ZBTB38: variants seen among roughly 807,000 people sequenced by gnomAD.
ZBTB38 encodes the protein zinc finger and BTB domain-containing protein 38.
Under a neutral mutation model 76.8 loss-of-function variants are expected in ZBTB38, and 20 were observed. That is an observed-to-expected ratio of 0.26 (90% CI 0.18 to 0.38). The LOEUF is 0.38. ZBTB38 is among the 10% of genes least tolerant of loss of function. The pLI, the probability that ZBTB38 is intolerant of heterozygous loss-of-function variation, is 1.00. For synonymous variants in ZBTB38, 504 were observed against 544.2 expected (o/e 0.93, Z 1.03); for missense variants, 1,082 against 1,482.3 (o/e 0.73, Z 4.43).
chr3:141,378,369 C>CAT (rs1945699718), intron 2 of ZBTB38, among the ~76,000 whole-genome samples: 2 of 152,062 alleles, frequency 1.3e-5, no homozygotes, highest in Non-Finnish European at 2.9e-5. Context: ...GGTACACACA[C>CAT]ACACACACAG....
intron 4 of ZBTB38, among the ~76,000 whole-genome samples, chr3:141,399,987 C>CTTTTTTTTTTTTTTTT (rs557587979): frequency 1.2e-5 from 1 of 80,464 alleles, no homozygotes; most frequent in Non-Finnish European, 2.4e-5. Context: ...GAAAGTCTTG[C>CTTTTTTTTTTTTTTTT]TTTTTTTTTT....
chr3:141,430,861 C>T (rs2077336179), intron 5 of ZBTB38, among the ~76,000 whole-genome samples: 1 of 152,176 alleles, frequency 6.6e-6, no homozygotes, highest in African/African-American at 2.4e-5. Context: ...ACCTTCCATT[C>T]AATCAGCCAG....
At position 141,445,268 on chromosome 3, in the gene ZBTB38, C is replaced by T. The variant is rs772563785; in HGVS notation, c.2880C>T (p.Cys960=). 42 of 1,614,046 alleles carry T rather than the reference C, an allele frequency of 2.6e-5. No homozygotes were observed. The highest frequency in any genetic ancestry group is 9.3e-5 in the African/African-American group (7 of 74,914). The change falls in exon 6 of 6, where the codon TGC becomes TGT. Residue 960 remains cysteine (C), a synonymous_variant. Coordinates refer to ENST00000321464, the MANE Select transcript of ZBTB38 (RefSeq NM_001376113.1). The surrounding 1 kb of genome is among the most constrained non-coding windows in gnomAD (Gnocchi z 6.5). ...GTAAATACCCAGCAGAACTGGATTGCGCCGTGGGGAAGGCTCCTCAGGATA... is the reference window on the plus strand; with the variant it reads ...GTAAATACCCAGCAGAACTGGATTGTGCCGTGGGGAAGGCTCCTCAGGATA... ...HKCKYPAELD[C]AVGKAPQDKP...
chr3:141,446,076 G>C lies in ZBTB38; in HGVS notation c.*100G>C. On this transcript the variant is annotated 3_prime_UTR_variant, in exon 6 of 6. Transcript: ENST00000321464. ...TTGTCCATGTGACAGTCATGAAGGA[G>C]TGAAATTAAAAAAAAAAAAAACTCA... 1 of 901,720 alleles carries C rather than the reference G, an allele frequency of 1.1e-6. No individual in the cohort carries two copies. Among genetic ancestry groups the C allele is most frequent in the South Asian group, 3.1e-5 (1 of 32,696 alleles). The allele number at this position is 901,720 out of a possible 1,614,324, so 55.9% of individuals were successfully genotyped here.
In ZBTB38 at chr3:141,369,505, G is replaced by T. The variant is rs193150785; in HGVS notation, c.-309-367G>T. Among the ~76,000 whole-genome samples, 83 of 152,314 alleles carry T rather than the reference G, an allele frequency of 5.4e-4. 1 individual carries two copies. The highest frequency in any genetic ancestry group is 1.9e-3 in the African/African-American group (78 of 41,574). The stretch of plus-strand genomic sequence containing the variant: ...GCCTATAATTTCACGACCTCTGGAA[G>T]TTCCTACCCAAGAAAGTTAAGTTCC... On this transcript the variant is annotated intron_variant, in intron 1 of 5. Coordinates refer to ENST00000321464, the MANE Select transcript of ZBTB38 (RefSeq NM_001376113.1).
chr3:141,439,185 G>A (rs1179197442), intron 5 of ZBTB38, among the ~76,000 whole-genome samples: 2 of 152,178 alleles, frequency 1.3e-5, no homozygotes, highest in Non-Finnish European at 2.9e-5. Context: ...CTCCTTGAGA[G>A]CAGAGACTTG....
chr3:141,374,512 G>C (rs1021298425), intron 2 of ZBTB38, among the ~76,000 whole-genome samples: 1 of 152,174 alleles, frequency 6.6e-6, no homozygotes, highest in Non-Finnish European at 1.5e-5. Flanking sequence ...AGAGTGGAGA[G>C]AGTGGACCCC....
intron 1 of ZBTB38, among the ~76,000 whole-genome samples, chr3:141,347,140 G>A (rs1360181192): frequency 6.6e-6 from 1 of 152,182 alleles, no homozygotes; most frequent in East Asian, 1.9e-4. Context: ...ATATGCGTGG[G>A]CTGCATGGCA....
chr3:141,415,787 T>C (rs937463953), intron 5 of ZBTB38, among the ~76,000 whole-genome samples: 4 of 152,186 alleles, frequency 2.6e-5, no homozygotes, highest in African/African-American at 7.2e-5. Flanking sequence ...CTGAAGACTC[T>C]TGTTGTCCCC....
chr3:141,325,253 G>T (rs1198686324), intron 1 of ZBTB38, among the ~76,000 whole-genome samples: 1 of 152,186 alleles, frequency 6.6e-6, no homozygotes, highest in Non-Finnish European at 1.5e-5. Context: ...ATTTAGCAAA[G>T]GCTCAAAAAT....
chr3:141,401,282 T>C (rs1951847282), intron 4 of ZBTB38, among the ~76,000 whole-genome samples: 1 of 152,136 alleles, frequency 6.6e-6, no homozygotes, highest in African/African-American at 2.4e-5. Flanking sequence ...ACATGGCATA[T>C]GGAGGAAGAA....
chr3:141,444,435 A>C lies in ZBTB38; in HGVS notation c.2047A>C (p.Ser683Arg). The change falls in exon 6 of 6, where the codon AGT (serine) becomes CGT (arginine). Residue 683 changes from serine (S) to arginine (R), a missense_variant. Around this residue, in one of 8 missense-constraint regions of ZBTB38, gnomAD observed 471 missense variants for 581.0 expected, o/e 0.81. Transcript: ENST00000321464. The surrounding 1 kb of genome is among the most constrained non-coding windows in gnomAD (Gnocchi z 5.1). ...AGTTTCTTCCACTGAAAATGCTGTC[A>C]GTTCTGACCTCCGGGCAGGGGATGT... ...VSVSSTENAV[S>R]SDLRAGDVPV... The C allele has an allele frequency of 6.2e-7, 1 of 1,614,084 alleles. No individual in the cohort carries two copies. The highest frequency in any genetic ancestry group is 8.5e-7 in the Non-Finnish European group (1 of 1,180,030).
At chr3:141,419,878 C>T (rs1030934442) in intron 5 of ZBTB38, among the ~76,000 whole-genome samples, 2 of 152,034 alleles carry the variant, frequency 1.3e-5, no homozygotes, top group Admixed American at 6.6e-5. Flanking sequence ...CCCAGCTACT[C>T]GGGAAGGCTG....
intron 3 of ZBTB38, chr3:141,386,019 A>G (rs1946998273): frequency 1.3e-5 from 2 of 152,248 alleles, no homozygotes; most frequent in African/African-American, 4.8e-5. Context: ...TAAAACAAAG[A>G]AACATTGCAT....
chr3:141,398,408 G>T (rs1426078764), intron 4 of ZBTB38, among the ~76,000 whole-genome samples: 1 of 151,730 alleles, frequency 6.6e-6, no homozygotes, highest in Non-Finnish European at 1.5e-5. Flanking sequence ...TTTTATCTAC[G>T]CATGGTGCAT....
intron 1 of ZBTB38, among the ~76,000 whole-genome samples, chr3:141,348,715 C>G (rs1167955354): frequency 6.6e-6 from 1 of 152,212 alleles, no homozygotes. Context: ...GGCACTGTAT[C>G]TGTCAAGAGC....
upstream of ZBTB38, among the ~76,000 whole-genome samples, chr3:141,363,618 AG>A (rs1943877972): frequency 6.6e-6 from 1 of 152,184 alleles, no homozygotes; most frequent in African/African-American, 2.4e-5. Flanking sequence ...TTTTTGACAA[AG>A]GGGCCAAGAC....
At chr3:141,333,068 A>T (rs538531549) in intron 1 of ZBTB38, among the ~76,000 whole-genome samples, 1 of 152,306 alleles carries the variant, frequency 6.6e-6, no homozygotes, top group African/African-American at 2.4e-5. Flanking sequence ...GTCACAAGTG[A>T]TTGAAGCTCC....
chr3:141,441,020 G>A (rs1407991025), intron 5 of ZBTB38, among the ~76,000 whole-genome samples: 2 of 134,874 alleles, frequency 1.5e-5, no homozygotes, highest in Non-Finnish European at 3.1e-5. Context: ...GTGACAGAGC[G>A]AGACTCAATC....
Sources: gnomAD v4.1 joint callset for allele counts (sites outside exome capture counted in the v4.1 genomes callset) on GRCh38, gnomAD v4.1.1 for gene constraint, gnomAD v4.1.1 regional missense constraint, Gnocchi (gnomAD v3.1) non-coding constraint, MANE v1.5 for transcripts, NCBI Gene and HGNC (gene_info 2026-07-23, HGNC 2026-07-21) for gene names.